Variants in TAFA5 observed in about 807,000 individuals in gnomAD.
TAFA5 encodes chemokine-like protein TAFA-5.
Under a neutral mutation model 15.3 loss-of-function variants are expected in TAFA5, and 6 were observed. The observed-to-expected ratio is 0.39, with a 90% CI of 0.21 to 0.77. TAFA5 has a LOEUF of 0.77. TAFA5 is among the 30% of genes least tolerant of loss of function. TAFA5 has a pLI of 0.41. For missense variants in TAFA5, 161 were observed against 193.1 expected, an observed-to-expected ratio of 0.83 and a Z score of 0.98; for synonymous variants, 103 against 80.7, an observed-to-expected ratio of 1.28 and a Z score of -1.48.
chr22:48,665,389 C>G (rs1407026314), intron 2 of TAFA5, among the ~76,000 whole-genome samples: 1 of 152,196 alleles, frequency 6.6e-6, no homozygotes, highest in Non-Finnish European at 1.5e-5. Flanking sequence ...TTAATGTTAG[C>G]TAAGTCGAAT....
chr22:48,563,861 G>T (rs1923320754), intron 1 of TAFA5, among the ~76,000 whole-genome samples: 1 of 152,218 alleles, frequency 6.6e-6, no homozygotes, highest in Admixed American at 6.5e-5. Context: ...GGCCTGCCTG[G>T]CCCAGCCCGC....
chr22:48,694,809 C>T, intron 2 of TAFA5, among the ~76,000 whole-genome samples: 1 of 23,458 alleles, frequency 4.3e-5, no homozygotes, highest in South Asian at 2.2e-3. Flanking sequence ...GACCTCCGCC[C>T]CCACCCGCCG....
At chr22:48,676,592 A>G (rs1430667861) in intron 2 of TAFA5, among the ~76,000 whole-genome samples, 1 of 152,140 alleles carries the variant, frequency 6.6e-6, no homozygotes, top group African/African-American at 2.4e-5. Context: ...TGTCCCAGCC[A>G]TGCCTGCAAA....
chr22:48,679,159 C>G (rs1928088637), intron 2 of TAFA5, among the ~76,000 whole-genome samples: 2 of 119,736 alleles, frequency 1.7e-5, no homozygotes, highest in African/African-American at 3.8e-5. Context: ...ATCCCTCTCC[C>G]GGCTCGGCGT....
chr22:48,707,098 A>T (rs993135079), intron 2 of TAFA5, among the ~76,000 whole-genome samples: 1 of 152,004 alleles, frequency 6.6e-6, no homozygotes, highest in African/African-American at 2.4e-5. Context: ...CACATCCTTT[A>T]ATCTTGGAGG....
intron 1 of TAFA5, among the ~76,000 whole-genome samples, chr22:48,501,305 C>T (rs1003303025): frequency 7.2e-5 from 11 of 152,260 alleles, no homozygotes; most frequent in African/African-American, 2.7e-4. Context: ...GTGCCCAGGC[C>T]TGACTCCCCA....
At position 48,587,261 on chromosome 22, in the gene TAFA5, G is replaced by A. The variant is rs1018975141; in HGVS notation, c.113-59336G>A. Among the ~76,000 whole-genome samples, 3 of 152,188 alleles carry A rather than the reference G, an allele frequency of 2.0e-5. No homozygotes were observed. The South Asian group carries it at 6.2e-4, about 31-fold the overall frequency. On this transcript the variant is annotated intron_variant, in intron 1 of 3. Transcript: ENST00000402357. ...GATGCTGTGGGCACGAGTTCTGGAG[G>A]GGTCTGCACACCTAGGTTCATCTCA...
chr22:48,751,911 TA>T lies in TAFA5; in HGVS notation c.*2067del, dbSNP rs1201196362. On this transcript the variant is annotated 3_prime_UTR_variant, in exon 4 of 4. Transcript: ENST00000402357. ...GTTGATTCAGCTAAATTATGAAAAA[TA>T]AAGAAAAACTCCTTTGATAAGCATG... The T allele has an allele frequency of 1.3e-5, 2 of 152,592 alleles. No homozygotes were observed. Among genetic ancestry groups the T allele is most frequent in the African/African-American group, 4.8e-5 (2 of 41,454 alleles). 9.5% of individuals were successfully genotyped at this position (152,592 alleles called of 1,614,324 possible). A position where few individuals can be genotyped will look rare whatever the true frequency, so the allele number is the denominator to read the frequency against.
At chr22:48,529,345 AGGAGATGAGGGTGTCAGGCG>A (rs1315652310) in intron 1 of TAFA5, among the ~76,000 whole-genome samples, 2 of 84,468 alleles carry the variant, frequency 2.4e-5, no homozygotes, top group East Asian at 3.6e-4. Context: ...GTGTCCAGGC[AGGAGATGAGGGTGTCAGGCG>A]GGAGATGGGG....
chr22:48,672,601 T>G lies in TAFA5; in HGVS notation c.262+25855T>G, dbSNP rs1337611995. Among the ~76,000 whole-genome samples, 3 of 152,156 alleles carry G rather than the reference T, an allele frequency of 2.0e-5. No homozygotes were observed. The East Asian group carries it at 5.8e-4, about 29-fold the overall frequency. ...CTTTTGGAGCTTTGAAGACATCACT[T>G]CCTTGCCTTCTCCCAGCCTACATGA... On this transcript the variant is annotated intron_variant, in intron 2 of 3. Coordinates refer to ENST00000402357, the MANE Select transcript of TAFA5 (RefSeq NM_001082967.3).
intron 3 of TAFA5, among the ~76,000 whole-genome samples, chr22:48,710,245 G>A (rs1483960729): frequency 6.6e-6 from 1 of 152,160 alleles, no homozygotes; most frequent in Non-Finnish European, 1.5e-5. Context: ...CCGTATGCAG[G>A]GCGCACACTG....
At chr22:48,698,390 ATGGTGATGG>A (rs1334594732) in intron 2 of TAFA5, among the ~76,000 whole-genome samples, 3 of 146,778 alleles carry the variant, frequency 2.0e-5, no homozygotes, top group East Asian at 4.3e-4. Context: ...TCAGTTGATG[ATGGTGATGG>A]TGGTGATGGT....
intron 1 of TAFA5, among the ~76,000 whole-genome samples, chr22:48,506,521 G>C (rs1007956722): frequency 3.3e-5 from 5 of 152,192 alleles, no homozygotes; most frequent in Non-Finnish European, 7.3e-5. Flanking sequence ...GAGACCACAG[G>C]GGTGACAGGC....
At chr22:48,688,815 A>G (rs1022453836) in intron 2 of TAFA5, among the ~76,000 whole-genome samples, 1 of 152,032 alleles carries the variant, frequency 6.6e-6, no homozygotes, top group African/African-American at 2.4e-5. Flanking sequence ...ACATTGTGAA[A>G]CCCCATCTCT....
chr22:48,676,481 C>T (rs556937936), intron 2 of TAFA5, among the ~76,000 whole-genome samples: 1 of 152,362 alleles, frequency 6.6e-6, no homozygotes, highest in East Asian at 1.9e-4. Context: ...GCAGGGGGAA[C>T]AGCCATCACC....
intron 1 of TAFA5, among the ~76,000 whole-genome samples, chr22:48,640,014 GTGA>G (rs1926615674): frequency 6.6e-6 from 1 of 152,224 alleles, no homozygotes; most frequent in Non-Finnish European, 1.5e-5. Context: ...AGGAACCCAG[GTGA>G]TGATGGTGCT....
intron 1 of TAFA5, among the ~76,000 whole-genome samples, chr22:48,542,244 ATATG>A (rs1390738755): frequency 1.0e-5 from 1 of 98,946 alleles, no homozygotes; most frequent in Non-Finnish European, 1.9e-5. Context: ...GTGTGTGTGC[ATATG>A]TGTGTGTATG....
At chr22:48,512,736 C>T (rs543373209) in intron 1 of TAFA5, among the ~76,000 whole-genome samples, 1 of 151,830 alleles carries the variant, frequency 6.6e-6, no homozygotes, top group East Asian at 2.0e-4. Flanking sequence ...CTGGCTAACA[C>T]AGTGAAGCCA....
intron 1 of TAFA5, among the ~76,000 whole-genome samples, chr22:48,558,528 G>T (rs1051465548): frequency 6.6e-6 from 1 of 152,162 alleles, no homozygotes; most frequent in Non-Finnish European, 1.5e-5. Flanking sequence ...GCTCCTGTGG[G>T]TGTTTGCCAC....
Sources: gnomAD v4.1 joint callset for allele counts (sites outside exome capture counted in the v4.1 genomes callset) on GRCh38, gnomAD v4.1.1 for gene constraint, MANE v1.5 for transcripts, NCBI Gene and HGNC (gene_info 2026-07-23, HGNC 2026-07-21) for gene names.